NF1: variants seen among roughly 807,000 people sequenced by gnomAD.
NF1 encodes neurofibromin 1.
NF1 carries 122 observed loss-of-function variants against 325.7 expected under a neutral mutation model. The ratio of observed to expected loss-of-function variants is 0.37; its 90% CI spans 0.32 to 0.44. The LOEUF (loss-of-function observed/expected upper bound fraction) is 0.44, where lower values mean the gene tolerates loss of function less well. NF1 is among the 20% of genes least tolerant of loss of function. The pLI, the probability that NF1 is intolerant of heterozygous loss-of-function variation, is 1.00. For missense variants in NF1, 2,140 were observed against 3,415.4 expected, an observed-to-expected ratio of 0.63 and a Z score of 9.31; for synonymous variants, 1,091 against 1,186.0, an observed-to-expected ratio of 0.92 and a Z score of 1.65.
intron 12 of NF1, among the ~76,000 whole-genome samples, chr17:31,207,970 T>C (rs2066653998): frequency 1.3e-5 from 2 of 152,164 alleles, no homozygotes; most frequent in African/African-American, 4.8e-5. Flanking sequence ...CCCATAATTT[T>C]CTGTGAATAA....
chr17:31,364,235 G>A lies in NF1; in HGVS notation c.8377+3532G>A, dbSNP rs947057107. 1.8e-4 allele frequency among the ~76,000 whole-genome samples: 28 copies of A among 152,152 alleles called. 1 individual carries two copies. Among genetic ancestry groups the A allele is most frequent in the Non-Finnish European group, 2.9e-5 (2 of 68,026 alleles). The stretch of plus-strand genomic sequence containing the variant: ...GAAGTTCTCTGTCATTCCCCGATAT[G>A]GAGCATAAGTTTGATTTACCATCAA... On this transcript the variant is annotated intron_variant, in intron 57 of 57. Coordinates refer to ENST00000358273, the MANE Select transcript of NF1 (RefSeq NM_001042492.3).
chr17:31,142,979 A>G (rs907671309), intron 1 of NF1, among the ~76,000 whole-genome samples: 26 of 152,134 alleles, frequency 1.7e-4, no homozygotes, highest in Admixed American at 3.9e-4. Flanking sequence ...TATTCTTATT[A>G]ATAGGCAAGA....
chr17:31,294,805 A>G, intron 36 of NF1: 1 of 628,832 alleles, frequency 1.6e-6, no homozygotes, highest in South Asian at 2.0e-5. Flanking sequence ...CTTAATTAAG[A>G]CAGTAAAATA....
At chr17:31,266,747 T>TC (rs397817047) in intron 36 of NF1, among the ~76,000 whole-genome samples, 2 of 151,566 alleles carry the variant, frequency 1.3e-5, no homozygotes, top group African/African-American at 2.4e-5. Context: ...TTTTTTTTTT[T>TC]CGGAATCAGA....
chr17:31,371,714 T>A (rs988460185), intron 57 of NF1, among the ~76,000 whole-genome samples: 22 of 152,344 alleles, frequency 1.4e-4, no homozygotes, highest in African/African-American at 5.3e-4. Flanking sequence ...TAGAACAGAT[T>A]TTCAGTGGTG....
rs1000948141 is a variant in NF1 at position 31,303,294 on chromosome 17, G to A, written c.4836-22526G>A. On this transcript the variant is annotated intron_variant, in intron 36 of 57. Coordinates refer to ENST00000358273, the MANE Select transcript of NF1 (RefSeq NM_001042492.3). ...AAGGCTGGCATCCCCAAAAGTATAG[G>A]CTGATGACCACTCTTGACTTTGACA... Among the ~76,000 whole-genome samples, 16 of 152,286 alleles carry A rather than the reference G, an allele frequency of 1.1e-4. No individual in the cohort carries two copies. In the South Asian group the frequency reaches 2.9e-3, roughly 28 times the overall value.
intron 57 of NF1, chr17:31,361,204 GTAAA>G (rs1033176790): frequency 2.0e-5 from 3 of 152,824 alleles, no homozygotes; most frequent in Admixed American, 6.5e-5. Flanking sequence ...AAATCTGGAA[GTAAA>G]TAAATAATCA....
At chr17:31,242,430 C>CT (rs1316043271) in intron 29 of NF1, among the ~76,000 whole-genome samples, 1 of 144,500 alleles carries the variant, frequency 6.9e-6, no homozygotes, top group Non-Finnish European at 1.5e-5. Flanking sequence ...AGGCCAGTAA[C>CT]TCTTAAATTT....
chr17:31,203,556 A>G (rs1429850846), intron 11 of NF1, among the ~76,000 whole-genome samples: 1 of 152,190 alleles, frequency 6.6e-6, no homozygotes, highest in Non-Finnish European at 1.5e-5. Flanking sequence ...ACTATTTATA[A>G]AGTGAATATA....
At chr17:31,114,823 C>T (rs909866032) in intron 1 of NF1, among the ~76,000 whole-genome samples, 1 of 152,242 alleles carries the variant, frequency 6.6e-6, no homozygotes, top group East Asian at 1.9e-4. Context: ...CACTGCACTC[C>T]AGCCTGGGCG....
chr17:31,367,802 A>C (rs2070557763), intron 57 of NF1, among the ~76,000 whole-genome samples: 2 of 152,050 alleles, frequency 1.3e-5, no homozygotes, highest in South Asian at 4.1e-4. Flanking sequence ...AGGAGTTGAA[A>C]ACCAGCCTGG....
rs17882047 is a variant in NF1 at position 31,259,447 on chromosome 17, A to G, written c.4430+318A>G. Among the ~76,000 whole-genome samples, 1,220 of 152,306 alleles carry G rather than the reference A, an allele frequency of 8.0e-3. 21 individuals are homozygous for G. Among genetic ancestry groups the G allele is most frequent in the African/African-American group, 0.028 (1,169 of 41,572 alleles). On this transcript the variant is annotated intron_variant, in intron 33 of 57. Coordinates refer to ENST00000358273, the MANE Select transcript of NF1 (RefSeq NM_001042492.3). ...GTAGGATTCTTTTTATTTAAAACTA[A>G]AACCAAATTGGTATCAATAATACAT...
chr17:31,232,637 T>A lies in NF1; in HGVS notation c.3315-63T>A, dbSNP rs1597719257. ...ATGCACATATGATTGTTTTGGAATG[T>A]CTGGTTAGCTTTCTAGTTGATACGG... On this transcript the variant is annotated intron_variant, in intron 25 of 57. Coordinates refer to ENST00000358273, the MANE Select transcript of NF1 (RefSeq NM_001042492.3). 34 of 1,479,574 alleles carry A rather than the reference T, an allele frequency of 2.3e-5. No individual in the cohort carries two copies. In the East Asian group the frequency reaches 7.8e-4, roughly 34 times the overall value. 91.7% of individuals were successfully genotyped at this position (1,479,574 alleles called of 1,614,324 possible).
chr17:31,335,173 A>G lies in NF1; in HGVS notation c.6006+142A>G, dbSNP rs892175290. The G allele has an allele frequency of 5.0e-5, 34 of 674,858 alleles. No individual in the cohort carries two copies. In the Middle Eastern group the frequency reaches 1.1e-3, roughly 22 times the overall value. The allele number at this position is 674,858 out of a possible 1,614,324, so 41.8% of individuals were successfully genotyped here. A position where few individuals can be genotyped will look rare whatever the true frequency, so the allele number is the denominator to read the frequency against. ...TTCCTCCTTCAGAAAGCATGTAGAC[A>G]CTCACCCAGCTCTTCATCTGGTTCA... On this transcript the variant is annotated intron_variant, in intron 40 of 57. Transcript: ENST00000358273.
At chr17:31,359,456 TTTTG>T (rs972658944) in intron 56 of NF1, 48 of 189,782 alleles carry the variant, frequency 2.5e-4, no homozygotes, top group South Asian at 7.8e-4. Context: ...TATTCAGTTT[TTTTG>T]TTTGTTTGTT....
chr17:31,224,970 G>A (rs2066986690), intron 16 of NF1, 125 bp from the exon 17 acceptor site: 1 of 917,750 alleles, frequency 1.1e-6, no homozygotes, highest in African/African-American at 1.6e-5. Context: ...CCTTCAAGTT[G>A]GGGCATAGAG....
At chr17:31,127,011 A>G (rs1023822161) in intron 1 of NF1, among the ~76,000 whole-genome samples, 2 of 152,254 alleles carry the variant, frequency 1.3e-5, no homozygotes, top group Admixed American at 1.3e-4. Context: ...GCCATATGAT[A>G]ACAGATAACT....
chr17:31,121,024 TAAAA>T (rs894310803), intron 1 of NF1, among the ~76,000 whole-genome samples: 24 of 151,364 alleles, frequency 1.6e-4, no homozygotes, highest in African/African-American at 5.8e-4. Context: ...TTAACCTAGT[TAAAA>T]AAAAACACAA....
chr17:31,120,536 T>A (rs1324113993), intron 1 of NF1, among the ~76,000 whole-genome samples: 1 of 152,168 alleles, frequency 6.6e-6, no homozygotes, highest in Admixed American at 6.5e-5. Context: ...AAATATACAG[T>A]CATGTCATCT....
Sources: gnomAD v4.1 joint callset for allele counts (sites outside exome capture counted in the v4.1 genomes callset) on GRCh38, gnomAD v4.1.1 for gene constraint, MANE v1.5 for transcripts, NCBI Gene and HGNC (gene_info 2026-07-23, HGNC 2026-07-21) for gene names.